PPP3CA: variants seen among roughly 807,000 people sequenced by gnomAD.
PPP3CA encodes the protein protein phosphatase 3 catalytic subunit alpha.
In PPP3CA, 14 loss-of-function variants were observed where a neutral mutation model predicts 66.5. That is an observed-to-expected ratio of 0.21 (90% CI 0.14 to 0.33). PPP3CA has a LOEUF of 0.33. PPP3CA is among the 10% of genes least tolerant of loss of function. The probability of loss-of-function intolerance (pLI) is 1.00; values close to 1 mark genes in which losing one functional copy is unlikely to be tolerated. For missense variants in PPP3CA, 317 were observed against 639.5 expected, an observed-to-expected ratio of 0.50 and a Z score of 5.44; for synonymous variants, 232 against 226.2, an observed-to-expected ratio of 1.03 and a Z score of -0.23.
intron 1 of PPP3CA, among the ~76,000 whole-genome samples, chr4:101,345,206 A>T (rs980418340): frequency 1.5e-4 from 23 of 152,220 alleles, no homozygotes; most frequent in Admixed American, 9.2e-4. Context: ...AAACCAAAAC[A>T]AAAGAAGATA....
intron 1 of PPP3CA, among the ~76,000 whole-genome samples, chr4:101,290,000 C>A (rs1727972043): frequency 1.3e-5 from 2 of 151,750 alleles, no homozygotes; most frequent in South Asian, 4.2e-4. Context: ...AGGAAGGAAG[C>A]TAGCCTGACA....
chr4:101,217,138 G>C (rs1725482319), intron 1 of PPP3CA, among the ~76,000 whole-genome samples: 1 of 152,068 alleles, frequency 6.6e-6, no homozygotes, highest in African/African-American at 2.4e-5. Context: ...ACTGAGGCTG[G>C]ACATTGTCTG....
intron 2 of PPP3CA, among the ~76,000 whole-genome samples, chr4:101,147,282 A>C (rs1260362407): frequency 6.6e-6 from 1 of 152,178 alleles, no homozygotes; most frequent in Admixed American, 6.6e-5. Context: ...CATGCCATTA[A>C]ATTCTGGCTT....
At chr4:101,114,920 G>A (rs2110268255) in intron 2 of PPP3CA, among the ~76,000 whole-genome samples, 1 of 152,088 alleles carries the variant, frequency 6.6e-6, no homozygotes, top group Middle Eastern at 3.4e-3. Context: ...ATAAAGCTTT[G>A]AAATCACAGG....
chr4:101,037,882 AC>A (rs753335617), intron 11 of PPP3CA, among the ~76,000 whole-genome samples: 3 of 152,180 alleles, frequency 2.0e-5, no homozygotes, highest in Non-Finnish European at 2.9e-5. Context: ...GTCCTTTAAT[AC>A]ATTTAGAATT....
chr4:101,306,477 G>C (rs1210333974), intron 1 of PPP3CA, among the ~76,000 whole-genome samples: 1 of 152,104 alleles, frequency 6.6e-6, no homozygotes, highest in Non-Finnish European at 1.5e-5. Flanking sequence ...AAGCCAAAGT[G>C]AGAGTGAAAG....
At chr4:101,222,260 A>G (rs1725649773) in intron 1 of PPP3CA, among the ~76,000 whole-genome samples, 2 of 151,620 alleles carry the variant, frequency 1.3e-5, no homozygotes. Flanking sequence ...TAGGAGAGAA[A>G]GTCATTTAAT....
At chr4:101,340,495 C>T (rs985963642) in intron 1 of PPP3CA, among the ~76,000 whole-genome samples, 6 of 152,022 alleles carry the variant, frequency 3.9e-5, no homozygotes, top group Non-Finnish European at 4.4e-5. Context: ...AGCAACTGGG[C>T]TAGGTCATAA....
intron 1 of PPP3CA, among the ~76,000 whole-genome samples, chr4:101,198,850 A>G (rs998381043): frequency 1.3e-5 from 2 of 152,158 alleles, no homozygotes; most frequent in Non-Finnish European, 2.9e-5. Flanking sequence ...TAAGGTAAAG[A>G]CACCTGCTCT....
At chr4:101,032,719 C>G (rs1013456596) in intron 11 of PPP3CA, among the ~76,000 whole-genome samples, 1 of 151,904 alleles carries the variant, frequency 6.6e-6, no homozygotes, top group Non-Finnish European at 1.5e-5. Context: ...ATAGAGAATG[C>G]TGATGTTAAG....
chr4:101,048,681 ACT>A (rs1727878691), intron 10 of PPP3CA, among the ~76,000 whole-genome samples: 2 of 151,994 alleles, frequency 1.3e-5, no homozygotes, highest in South Asian at 4.1e-4. Flanking sequence ...ATGGATCCTA[ACT>A]CTATTACCTA....
intron 10 of PPP3CA, among the ~76,000 whole-genome samples, chr4:101,058,831 T>A (rs1487077045): frequency 6.6e-6 from 1 of 152,164 alleles, no homozygotes; most frequent in Non-Finnish European, 1.5e-5. Context: ...ATTTTGGCTA[T>A]GGTACCTGGT....
chr4:101,194,753 G>A (rs904601517), intron 2 of PPP3CA, among the ~76,000 whole-genome samples: 2 of 151,960 alleles, frequency 1.3e-5, no homozygotes, highest in African/African-American at 4.8e-5. Context: ...TTTTAGTAGA[G>A]ATGGAATTTT....
At chr4:101,260,816 T>C (rs1301866856) in intron 1 of PPP3CA, among the ~76,000 whole-genome samples, 1 of 152,154 alleles carries the variant, frequency 6.6e-6, no homozygotes, top group Non-Finnish European at 1.5e-5. Context: ...TAATTTATCT[T>C]TCTAATTAAC....
At chr4:101,335,491 G>A (rs911392825) in intron 1 of PPP3CA, among the ~76,000 whole-genome samples, 2 of 152,082 alleles carry the variant, frequency 1.3e-5, no homozygotes, top group South Asian at 2.1e-4. Flanking sequence ...TAAATGAAAG[G>A]TGAGAGCAAT....
In PPP3CA at chr4:101,024,326, T is replaced by TGTAA. The variant is rs1247283372; in HGVS notation, c.*1535_*1538dup. On this transcript the variant is annotated 3_prime_UTR_variant, in exon 14 of 14. Coordinates refer to ENST00000394854, the MANE Select transcript of PPP3CA (RefSeq NM_000944.5). ...GGACTCAGTGGAAGGATGAGAATTC[T>TGTAA]GTAAGTTCATGCACATTTTATTGAG... 4 of 152,774 alleles carry TGTAA rather than the reference T, an allele frequency of 2.6e-5. No individual in the cohort carries two copies. Among genetic ancestry groups the TGTAA allele is most frequent in the Middle Eastern group, 3.4e-3 (1 of 294 alleles). 9.5% of individuals were successfully genotyped at this position (152,774 alleles called of 1,614,324 possible).
At chr4:101,029,347 T>TAAAAAAAAAAAAAAAAAA (rs34620032) in intron 12 of PPP3CA, 152 bp from the exon 13 acceptor site, 4 of 78,822 alleles carry the variant, frequency 5.1e-5, no homozygotes, top group Admixed American at 1.9e-4. Context: ...ACAGAAATGC[T>TAAAAAAAAAAAAAAAAAA]AAAAAAAAAA....
intron 1 of PPP3CA, among the ~76,000 whole-genome samples, chr4:101,218,959 T>C (rs1254461782): frequency 6.6e-6 from 1 of 152,074 alleles, no homozygotes; most frequent in Non-Finnish European, 1.5e-5. Context: ...AATAAACGCA[T>C]TGTCCCTTTG....
At chr4:101,340,457 A>C (rs1729778415) in intron 1 of PPP3CA, among the ~76,000 whole-genome samples, 2 of 152,114 alleles carry the variant, frequency 1.3e-5, no homozygotes, top group Admixed American at 1.3e-4. Flanking sequence ...ACCCGAGTGC[A>C]TATTTGTTAA....
Sources: gnomAD v4.1 joint callset for allele counts (sites outside exome capture counted in the v4.1 genomes callset) on GRCh38, gnomAD v4.1.1 for gene constraint, MANE v1.5 for transcripts, NCBI Gene and HGNC (gene_info 2026-07-23, HGNC 2026-07-21) for gene names.